The following GABRA2 variants were observed in gnomAD, a reference collection of about 807,000 sequenced individuals.
The protein encoded by GABRA2 is gamma-aminobutyric acid receptor subunit alpha-2.
GABRA2 carries 16 observed loss-of-function variants against 48.7 expected under a neutral mutation model. The observed-to-expected ratio is 0.33, with a 90% CI of 0.22 to 0.50. GABRA2 has a LOEUF of 0.50. GABRA2 is among the 20% of genes least tolerant of loss of function. The pLI, the probability that GABRA2 is intolerant of heterozygous loss-of-function variation, is 0.98. For synonymous variants in GABRA2, 185 were observed against 184.5 expected, an observed-to-expected ratio of 1.00 and a Z score of -0.02; for missense variants, 275 against 535.6, an observed-to-expected ratio of 0.51 and a Z score of 4.80.
chr4:46,289,378 A>G lies in GABRA2; in HGVS notation c.856+14082T>C, dbSNP rs184694537. Among the ~76,000 whole-genome samples, 10 of 152,348 alleles carry G rather than the reference A, an allele frequency of 6.6e-5. No individual in the cohort carries two copies. The East Asian group carries it at 1.7e-3, about 26-fold the overall frequency. On this transcript the variant is annotated intron_variant, in intron 8 of 9. Transcript: ENST00000381620. ...GAATACTACGCAGCTATAAAAAAGAATGAGATCACGTCCTTTGCAGGAACA... is the reference window on the plus strand; with the variant it reads ...GAATACTACGCAGCTATAAAAAAGAGTGAGATCACGTCCTTTGCAGGAACA...
chr4:46,363,595 A>G (rs1217948280), intron 3 of GABRA2: 1 of 152,174 alleles, frequency 6.6e-6, no homozygotes, highest in Non-Finnish European at 1.5e-5. Context: ...GCTTAAGGAA[A>G]AATAAACTTT....
chr4:46,317,251 A>G (rs1332263488), intron 4 of GABRA2, among the ~76,000 whole-genome samples: 1 of 151,860 alleles, frequency 6.6e-6, no homozygotes, highest in Admixed American at 6.6e-5. Context: ...ACTATTATCA[A>G]CTGTATTATA....
intron 3 of GABRA2, chr4:46,368,800 C>A (rs1265853995): frequency 4.8e-6 from 2 of 416,664 alleles, no homozygotes; most frequent in African/African-American, 2.0e-5. Context: ...GAATATCTGG[C>A]AACTCTGATT....
intron 3 of GABRA2, among the ~76,000 whole-genome samples, chr4:46,374,858 T>C (rs1715452547): frequency 6.6e-6 from 1 of 151,984 alleles, no homozygotes; most frequent in Non-Finnish European, 1.5e-5. Context: ...GCATCACACA[T>C]ATCCCTGAAA....
chr4:46,366,517 T>C (rs1228245516), intron 3 of GABRA2: 1 of 152,076 alleles, frequency 6.6e-6, no homozygotes, highest in Non-Finnish European at 1.5e-5. Flanking sequence ...AGAAAGGCTC[T>C]TGAGAAAATT....
chr4:46,269,032 CTGTGAGGT>C (rs1311783432), intron 8 of GABRA2, among the ~76,000 whole-genome samples: 1 of 151,764 alleles, frequency 6.6e-6, no homozygotes, highest in Non-Finnish European at 1.5e-5. Context: ...TCACTAGAGG[CTGTGAGGT>C]CAGATAAATG....
At chr4:46,265,448 G>GTA (rs1386579281) in intron 8 of GABRA2, among the ~76,000 whole-genome samples, 51 of 119,518 alleles carry the variant, frequency 4.3e-4, no homozygotes, top group Non-Finnish European at 6.1e-4. Context: ...AATATATTGT[G>GTA]TATATATATA....
At position 46,246,952 on chromosome 4, in the gene GABRA2, T is replaced by C. The variant is rs114438471; in HGVS notation, c.*3356A>G. Among the ~76,000 whole-genome samples the C allele has an allele frequency of 7.4e-4, 112 of 151,242 alleles. No homozygotes were observed. The highest frequency in any genetic ancestry group is 1.4e-3 in the Non-Finnish European group (93 of 67,412). ...TCTTCTGGAATCCATGATTATATCATGGCAGGGTTTGTGTCCCTCAACCAG... is the reference window on the plus strand; with the variant it reads ...TCTTCTGGAATCCATGATTATATCACGGCAGGGTTTGTGTCCCTCAACCAG... On this transcript the variant is annotated 3_prime_UTR_variant, in exon 10 of 10. Transcript: ENST00000381620.
At chr4:46,255,804 C>A (rs763846129) in intron 9 of GABRA2, among the ~76,000 whole-genome samples, 2 of 151,610 alleles carry the variant, frequency 1.3e-5, no homozygotes, top group African/African-American at 4.8e-5. Flanking sequence ...TCAAAACAAT[C>A]TTGACTTCCT....
At chr4:46,359,925 A>AC (rs1219921535) in intron 3 of GABRA2, among the ~76,000 whole-genome samples, 3 of 146,696 alleles carry the variant, frequency 2.0e-5, no homozygotes, top group Non-Finnish European at 3.0e-5. Flanking sequence ...TCAAAAAACA[A>AC]AAAAAAAAAA....
intron 8 of GABRA2, among the ~76,000 whole-genome samples, chr4:46,283,763 G>T (rs1052239927): frequency 1.9e-4 from 29 of 151,990 alleles, no homozygotes; most frequent in African/African-American, 7.0e-4. Context: ...TAGTTTTTCT[G>T]TTTGTTTGTT....
In GABRA2 at chr4:46,258,634, A is replaced by G. The variant is rs138997454; in HGVS notation, c.1059+3292T>C. On this transcript the variant is annotated intron_variant, in intron 9 of 9. Transcript: ENST00000381620. The stretch of plus-strand genomic sequence containing the variant: ...GGGTCCACTCTGAACTCTGGCAGAG[A>G]ATCAAAAAACAGAAAATGAATAGTG... Among the ~76,000 whole-genome samples the G allele has an allele frequency of 3.3e-3, 496 of 151,932 alleles. 1 individual carries two copies. Among genetic ancestry groups the G allele is most frequent in the African/African-American group, 0.011 (447 of 41,530 alleles).
At chr4:46,378,522 G>A (rs1716296716) in intron 3 of GABRA2, among the ~76,000 whole-genome samples, 1 of 151,692 alleles carries the variant, frequency 6.6e-6, no homozygotes, top group Admixed American at 6.6e-5. Context: ...CAAACACTGC[G>A]GAAGGCCACA....
chr4:46,386,054 A>G lies in GABRA2; in HGVS notation c.187+20T>C. The G allele has an allele frequency of 1.4e-6, 2 of 1,466,968 alleles. No individual in the cohort carries two copies. Among genetic ancestry groups the G allele is most frequent in the Non-Finnish European group, 1.9e-6 (2 of 1,050,030 alleles). 90.9% of individuals were successfully genotyped at this position (1,466,968 alleles called of 1,614,324 possible). On this transcript the variant is annotated intron_variant, in intron 3 of 9. Transcript: ENST00000381620. Reference sequence around the variant, plus strand: ...AGGCATTATTTTACGAGAGTTTTAAAAGAGGAAAACTATTTTTACCTCCCA... The same window carrying G: ...AGGCATTATTTTACGAGAGTTTTAAGAGAGGAAAACTATTTTTACCTCCCA...
intron 3 of GABRA2, among the ~76,000 whole-genome samples, chr4:46,355,084 G>A (rs936801224): frequency 2.6e-5 from 4 of 151,986 alleles, no homozygotes; most frequent in African/African-American, 9.7e-5. Flanking sequence ...TCCCTTCCGA[G>A]GCACCCTCCA....
rs111289433 is a variant in GABRA2 at position 46,305,557 on chromosome 4, A to G, written c.703+11T>C. 1,428 of 1,609,274 alleles carry G rather than the reference A, an allele frequency of 8.9e-4. 12 individuals are homozygous for G. The African/African-American group carries it at 0.015, about 17-fold the overall frequency. On this transcript the variant is annotated intron_variant, in intron 7 of 9. Transcript: ENST00000381620. ...TAGGCACCAGCTTTTTTAAAGACTA[A>G]TTTTACTAACCTGTACTGGATTTAA...
At chr4:46,354,557 C>T (rs1735667056) in intron 3 of GABRA2, among the ~76,000 whole-genome samples, 1 of 152,028 alleles carries the variant, frequency 6.6e-6, no homozygotes, top group Non-Finnish European at 1.5e-5. Context: ...TCTCATTTTT[C>T]TCTTGGGGAT....
rs1270244938 is a variant in GABRA2 at position 46,390,115 on chromosome 4, C to G, written c.-391G>C. 8 of 969,594 alleles carry G rather than the reference C, an allele frequency of 8.3e-6. No homozygotes were observed. In the South Asian group the frequency reaches 1.9e-4, roughly 23 times the overall value. 60.1% of individuals were successfully genotyped at this position (969,594 alleles called of 1,614,324 possible). On this transcript the variant is annotated 5_prime_UTR_variant, in exon 1 of 10. Coordinates refer to ENST00000381620, the MANE Select transcript of GABRA2 (RefSeq NM_000807.4). The stretch of plus-strand genomic sequence containing the variant: ...CGGTGCGCGCCGGCGGTGGCGGGCA[C>G]GAGCCCCGCGCCTGGAGGAGGAGGA...
At position 46,256,341 on chromosome 4, in the gene GABRA2, T is replaced by A. The variant is rs1344080582; in HGVS notation, c.1059+5585A>T. The A allele has an allele frequency of 1.0e-5, 7 of 686,526 alleles. No individual in the cohort carries two copies. In the East Asian group the frequency reaches 1.9e-4, roughly 19 times the overall value. 42.5% of individuals were successfully genotyped at this position (686,526 alleles called of 1,614,324 possible). A position where few individuals can be genotyped will look rare whatever the true frequency, so the allele number is the denominator to read the frequency against. On this transcript the variant is annotated intron_variant, in intron 9 of 9. Coordinates refer to ENST00000381620, the MANE Select transcript of GABRA2 (RefSeq NM_000807.4). ...AGAATTGCTTTCACTGAGTTGTATG[T>A]TAATGTAATGCCTTCAGCTTTTATT...
Sources: allele counts gnomAD v4.1 joint callset (sites outside exome capture counted in the v4.1 genomes callset), GRCh38; gene constraint gnomAD v4.1.1; transcripts MANE v1.5; gene names NCBI Gene and HGNC (gene_info 2026-07-23, HGNC 2026-07-21).